Variants in IL1RAPL1 observed in about 807,000 individuals in gnomAD.
IL1RAPL1 encodes interleukin-1 receptor accessory protein-like 1.
In IL1RAPL1, 3 loss-of-function variants were observed where a neutral mutation model predicts 48.4. That is an observed-to-expected ratio of 0.06 (90% CI 0.03 to 0.16). The LOEUF (loss-of-function observed/expected upper bound fraction) is 0.16, where lower values mean the gene tolerates loss of function less well. Among genes scored for constraint, IL1RAPL1 ranks in the 10% least tolerant of loss-of-function variants. The pLI, the probability that IL1RAPL1 is intolerant of heterozygous loss-of-function variation, is 1.00. For missense variants in IL1RAPL1, 349 were observed against 530.6 expected, an observed-to-expected ratio of 0.66 and a Z score of 3.36; for synonymous variants, 185 against 187.7, an observed-to-expected ratio of 0.99 and a Z score of 0.12.
At chrX:28,940,100 G>A (rs1924127795) in intron 2 of IL1RAPL1, among the ~76,000 whole-genome samples, 1 of 111,271 alleles carries the variant, frequency 9.0e-6, no homozygotes, top group African/African-American at 3.3e-5. Context: ...TGTGGATACA[G>A]AAATAACAGA....
chrX:29,414,080 G>A lies in IL1RAPL1; in HGVS notation c.703+14772G>A, dbSNP rs1602223687. Among the ~76,000 whole-genome samples the A allele has an allele frequency of 2.7e-5, 3 of 110,353 alleles. No homozygotes were observed. In the South Asian group the frequency reaches 1.1e-3, roughly 42 times the overall value. On this transcript the variant is annotated intron_variant, in intron 5 of 10. Coordinates refer to ENST00000378993, the MANE Select transcript of IL1RAPL1 (RefSeq NM_014271.4). ...TTACAAAACTGATTTATTTTTTGTG[G>A]TTAACATTCCAAAGACCCATTTGAT...
intron 5 of IL1RAPL1, among the ~76,000 whole-genome samples, chrX:29,625,819 G>A (rs938824381): frequency 8.9e-6 from 1 of 111,984 alleles, no homozygotes; most frequent in Admixed American, 9.5e-5. Flanking sequence ...ATCCTTCCAT[G>A]TGATTTGAAA....
At chrX:29,210,881 C>T (rs1265903061) in intron 2 of IL1RAPL1, among the ~76,000 whole-genome samples, 2 of 112,142 alleles carry the variant, frequency 1.8e-5, no homozygotes, top group African/African-American at 6.5e-5. Flanking sequence ...TATATGAATA[C>T]CAGATATTTA....
At chrX:29,948,301 C>G (rs1241314597) in intron 9 of IL1RAPL1, among the ~76,000 whole-genome samples, 1 of 110,914 alleles carries the variant, frequency 9.0e-6, no homozygotes, top group Non-Finnish European at 1.9e-5. Flanking sequence ...AGAAAAGTAC[C>G]AAATGGCACA....
intron 6 of IL1RAPL1, among the ~76,000 whole-genome samples, chrX:29,894,931 C>A (rs935371292): frequency 9.1e-6 from 1 of 110,012 alleles, no homozygotes; most frequent in African/African-American, 3.3e-5. Context: ...CAGGTTCAAG[C>A]AATTCTCCTG....
chrX:29,395,700 T>G (rs1933911892), intron 3 of IL1RAPL1, among the ~76,000 whole-genome samples: 1 of 111,631 alleles, frequency 9.0e-6, no homozygotes, highest in Non-Finnish European at 1.9e-5. Flanking sequence ...TTGCAATACT[T>G]TTATCCAAGA....
rs187483333 is a variant in IL1RAPL1 at position 29,109,548 on chromosome X, A to G, written c.83-173390A>G. 6.3e-5 allele frequency among the ~76,000 whole-genome samples: 7 copies of G among 111,151 alleles called. No homozygotes were observed. In the Admixed American group the frequency reaches 6.7e-4, roughly 11 times the overall value. The stretch of plus-strand genomic sequence containing the variant: ...GGTAAGAAACATCAAAGGTCTTGAT[A>G]TAATTTTTGACCGATGGGCTTTGAA... On this transcript the variant is annotated intron_variant, in intron 2 of 10. Coordinates refer to ENST00000378993, the MANE Select transcript of IL1RAPL1 (RefSeq NM_014271.4).
intron 2 of IL1RAPL1, among the ~76,000 whole-genome samples, chrX:29,006,339 C>A (rs766038876): frequency 1.8e-5 from 2 of 110,135 alleles, no homozygotes; most frequent in South Asian, 3.9e-4. Flanking sequence ...CATGGTAAAA[C>A]CCTGTCTCTG....
chrX:28,931,286 C>A (rs1245781793), intron 2 of IL1RAPL1, among the ~76,000 whole-genome samples: 2 of 111,691 alleles, frequency 1.8e-5, no homozygotes, highest in Admixed American at 1.9e-4. Context: ...AGTTTTAACT[C>A]TAAAGGCTAA....
intron 2 of IL1RAPL1, among the ~76,000 whole-genome samples, chrX:29,017,187 T>C (rs767137483): frequency 2.7e-5 from 3 of 112,308 alleles, no homozygotes; most frequent in Admixed American, 1.9e-4. Flanking sequence ...ATGGTCATTT[T>C]AAGAAGAGAA....
chrX:29,423,640 A>G (rs2147706612), intron 5 of IL1RAPL1, among the ~76,000 whole-genome samples: 1 of 111,936 alleles, frequency 8.9e-6, no homozygotes, highest in Non-Finnish European at 1.9e-5. Context: ...AGTTTCAGTC[A>G]TAATGATTAT....
At chrX:29,832,393 A>G (rs1322793582) in intron 6 of IL1RAPL1, among the ~76,000 whole-genome samples, 1 of 111,864 alleles carries the variant, frequency 8.9e-6, no homozygotes, top group Non-Finnish European at 1.9e-5. Flanking sequence ...TTCAGTTTGG[A>G]GAAAGAAGAT....
intron 2 of IL1RAPL1, among the ~76,000 whole-genome samples, chrX:29,128,789 T>C (rs1385763598): frequency 1.8e-5 from 2 of 111,356 alleles, no homozygotes; most frequent in South Asian, 7.5e-4. Context: ...ATAGAAAAAA[T>C]TGAAAATGTC....
intron 5 of IL1RAPL1, among the ~76,000 whole-genome samples, chrX:29,629,129 T>C (rs1471111607): frequency 3.6e-5 from 4 of 112,082 alleles, no homozygotes; most frequent in Non-Finnish European, 7.5e-5. Context: ...CATATAGTTT[T>C]AGTAAAGGAA....
In IL1RAPL1 at chrX:29,399,300, C is replaced by T. The variant is rs1337729037; in HGVS notation, c.695C>T (p.Thr232Ile). ...GFVVRRTTEL[T>I]VTAPLTDKPP... ...GTTGTGAGAAGAACTACTGAATTAA[C>T]TGTTACAGGTAATCACAGTCTTCAA... The change falls in exon 5 of 11, where the codon ACT (threonine) becomes ATT (isoleucine). Residue 232 changes from threonine to isoleucine, a missense_variant. Coordinates refer to ENST00000378993, the MANE Select transcript of IL1RAPL1 (RefSeq NM_014271.4). The T allele has an allele frequency of 8.3e-7, 1 of 1,202,972 alleles. No individual in the cohort carries two copies. The highest frequency in any genetic ancestry group is 1.7e-5 in the African/African-American group (1 of 57,704).
intron 5 of IL1RAPL1, among the ~76,000 whole-genome samples, chrX:29,626,392 T>A (rs1057285226): frequency 1.8e-5 from 2 of 111,854 alleles, no homozygotes; most frequent in African/African-American, 6.5e-5. Context: ...TCTTTTTGAG[T>A]GGTTACAGTG....
At chrX:29,867,274 T>C (rs1931714772) in intron 6 of IL1RAPL1, among the ~76,000 whole-genome samples, 1 of 112,337 alleles carries the variant, frequency 8.9e-6, no homozygotes, top group South Asian at 3.7e-4. Flanking sequence ...TAATGAAAAA[T>C]GTGTTTTAAA....
intron 3 of IL1RAPL1, among the ~76,000 whole-genome samples, chrX:29,310,022 AG>A (rs1471500003): frequency 1.3e-4 from 12 of 92,406 alleles, no homozygotes; most frequent in African/African-American, 4.4e-4. Flanking sequence ...TGAAACCGGG[AG>A]GCAGAGCTTG....
chrX:29,377,629 T>G (rs1933640987), intron 3 of IL1RAPL1, among the ~76,000 whole-genome samples: 1 of 112,308 alleles, frequency 8.9e-6, no homozygotes, highest in Non-Finnish European at 1.9e-5. Flanking sequence ...CTTAATTTGG[T>G]AAGATATAAA....
Sources: allele counts gnomAD v4.1 joint callset (sites outside exome capture counted in the v4.1 genomes callset), GRCh38; gene constraint gnomAD v4.1.1; transcripts MANE v1.5; gene names NCBI Gene and HGNC (gene_info 2026-07-23, HGNC 2026-07-21).